The following ZNF354C variants were observed in gnomAD, a reference collection of about 807,000 sequenced individuals.
The protein encoded by ZNF354C is KRAB-zinc finger protein synten.
In ZNF354C, 7 loss-of-function variants were observed where a neutral mutation model predicts 12.4. The ratio of observed to expected loss-of-function variants is 0.56; its 90% CI spans 0.32 to 1.06. The LOEUF is 1.06. Ranked by LOEUF, ZNF354C falls within the 50% of genes least tolerant of loss-of-function variation. The pLI is 0.04. For synonymous variants in ZNF354C, 202 were observed against 224.5 expected (o/e 0.90, Z 0.90); for missense variants, 609 against 658.0 (o/e 0.93, Z 0.81).
intron 2 of ZNF354C, among the ~76,000 whole-genome samples, chr5:179,069,738 C>T (rs867447698): frequency 1.0e-4 from 15 of 147,428 alleles, no homozygotes; most frequent in South Asian, 2.2e-4. Context: ...CGGTGGCGGG[C>T]GCCTGTAGTC....
chr5:179,068,525 AT>A (rs1157626213), intron 2 of ZNF354C, among the ~76,000 whole-genome samples: 1 of 151,138 alleles, frequency 6.6e-6, no homozygotes, highest in Non-Finnish European at 1.5e-5. Flanking sequence ...CAATTTAGAC[AT>A]TTTTTTCTGA....
Position 179,060,877 on chromosome 5 carries a change from ACGCTGTTCC to A in ZNF354C, c.-55+216_-55+224del, listed in dbSNP as rs1224353895. On this transcript the variant is annotated intron_variant, in intron 1 of 4. Coordinates refer to ENST00000315475, the MANE Select transcript of ZNF354C (RefSeq NM_014594.3). The surrounding 1 kb of genome is among the most constrained non-coding windows in gnomAD (Gnocchi z 4.2). ...CCCTGCTAACAGATAGGGTGGCGGT[ACGCTGTTCC>A]CGCTCTGTCAGGAGGAGACCGAGGC... 6.6e-6 allele frequency among the ~76,000 whole-genome samples: 1 copy of A among 152,108 alleles called. No homozygotes were observed. Among genetic ancestry groups the A allele is most frequent in the Non-Finnish European group, 1.5e-5 (1 of 68,024 alleles).
rs1261356813 is a variant in ZNF354C at position 179,080,787 on chromosome 5, T to C, written c.*690T>C. ...TTTCTTCCATTATTTCTTAAATTGA[T>C]GTGGTTTTATATAACTGAACAGAGT... On this transcript the variant is annotated 3_prime_UTR_variant, in exon 5 of 5. Coordinates refer to ENST00000315475, the MANE Select transcript of ZNF354C (RefSeq NM_014594.3). 3 of 152,294 alleles carry C rather than the reference T, an allele frequency of 2.0e-5. No individual in the cohort carries two copies. The East Asian group carries it at 5.8e-4, about 29-fold the overall frequency. 9.4% of individuals were successfully genotyped at this position (152,294 alleles called of 1,614,324 possible). A position where few individuals can be genotyped will look rare whatever the true frequency, so the allele number is the denominator to read the frequency against.
chr5:179,068,840 G>C (rs1761997845), intron 2 of ZNF354C, among the ~76,000 whole-genome samples: 1 of 152,158 alleles, frequency 6.6e-6, no homozygotes, highest in African/African-American at 2.4e-5. Flanking sequence ...CAAGATCAAG[G>C]TGTGGGCAAG....
At position 179,073,862 on chromosome 5, in the gene ZNF354C, G is replaced by A. The variant is rs142300819; in HGVS notation, c.28-2583G>A. 3.4e-4 allele frequency among the ~76,000 whole-genome samples: 52 copies of A among 152,092 alleles called. 4 individuals carry two copies. The highest frequency in any genetic ancestry group is 1.2e-3 in the African/African-American group (50 of 41,476). ...AGTAGAGATGGGGTTTCACCATGTT[G>A]CCCAGGCTGGTCTTGAACTGCTGAG... On this transcript the variant is annotated intron_variant, in intron 2 of 4. Coordinates refer to ENST00000315475, the MANE Select transcript of ZNF354C (RefSeq NM_014594.3).
At chr5:179,064,953 G>T (rs113089935) in intron 2 of ZNF354C, among the ~76,000 whole-genome samples, 16 of 152,086 alleles carry the variant, frequency 1.1e-4, no homozygotes, top group African/African-American at 3.6e-4. Context: ...TTATTGTCTG[G>T]GGAAAAGGCA....
chr5:179,065,858 A>T (rs1448955039), intron 2 of ZNF354C, among the ~76,000 whole-genome samples: 3 of 152,180 alleles, frequency 2.0e-5, no homozygotes, highest in Non-Finnish European at 4.4e-5. Context: ...TTGCATACTA[A>T]TAACATGACA....
At chr5:179,062,166 G>T in intron 2 of ZNF354C, 71 bp downstream of exon 2, 3 of 1,596,802 alleles carry the variant, frequency 1.9e-6, no homozygotes, top group Non-Finnish European at 2.6e-6. Context: ...CATGTTTCCA[G>T]ACTTTGTCCA....
chr5:179,063,338 T>C (rs1378109367), intron 2 of ZNF354C, among the ~76,000 whole-genome samples: 1 of 152,276 alleles, frequency 6.6e-6, no homozygotes, highest in South Asian at 2.1e-4. Context: ...GACAGAAGGA[T>C]TGCTTGAGCC....
chr5:179,063,625 A>T (rs910791279), intron 2 of ZNF354C, among the ~76,000 whole-genome samples: 1 of 152,244 alleles, frequency 6.6e-6, no homozygotes, highest in Non-Finnish European at 1.5e-5. Flanking sequence ...ATGTATTACT[A>T]TGTATAAAAA....
chr5:179,079,543 C>G lies in ZNF354C; in HGVS notation c.1111C>G (p.Leu371Val). ...CGKGYSQFTS[L>V]AEHQRFHTGE... ...GAAGGGATACAGCCAGTTTACATCT[C>G]TAGCTGAACATCAGAGGTTTCATAC... is the stretch of plus-strand genomic sequence containing the variant. The change falls in exon 5 of 5, where the codon CTA (leucine) becomes GTA (valine). Residue 371 changes from leucine to valine, a missense_variant. Physicochemically the swap from Leu to Val is conservative, Grantham distance 32 (BLOSUM62 1). Transcript: ENST00000315475. The surrounding 1 kb of genome is among the most constrained non-coding windows in gnomAD (Gnocchi z 4.2). 2 of 1,614,178 alleles carry G rather than the reference C, an allele frequency of 1.2e-6. No homozygotes were observed. The highest frequency in any genetic ancestry group is 2.7e-5 in the African/African-American group (2 of 75,058).
rs1209577884 is a variant in ZNF354C, at chr5:179,080,624, A to C, written c.*527A>C. 1 of 152,358 alleles carries C rather than the reference A, an allele frequency of 6.6e-6. No homozygotes were observed. Among genetic ancestry groups the C allele is most frequent in the Non-Finnish European group, 1.5e-5 (1 of 68,124 alleles). 9.4% of individuals were successfully genotyped at this position (152,358 alleles called of 1,614,324 possible). A position where few individuals can be genotyped will look rare whatever the true frequency, so the allele number is the denominator to read the frequency against. On this transcript the variant is annotated 3_prime_UTR_variant, in exon 5 of 5. Coordinates refer to ENST00000315475, the MANE Select transcript of ZNF354C (RefSeq NM_014594.3). ...ATGAGCTGTCCCACCAGCAACTTAT[A>C]TATGTAAACATACATATATACACAT...
At chr5:179,072,946 T>C (rs1581118717) in intron 2 of ZNF354C, among the ~76,000 whole-genome samples, 1 of 152,210 alleles carries the variant, frequency 6.6e-6, no homozygotes, top group African/African-American at 2.4e-5. Context: ...CCACATTTCA[T>C]GTACTTAGTA....
At chr5:179,067,681 C>G (rs1761975945) in intron 2 of ZNF354C, among the ~76,000 whole-genome samples, 1 of 152,202 alleles carries the variant, frequency 6.6e-6, no homozygotes, top group Non-Finnish European at 1.5e-5. Context: ...AACTCCGTCT[C>G]TACTAAAAAT....
At chr5:179,064,475 G>GTA (rs1761935279) in intron 2 of ZNF354C, among the ~76,000 whole-genome samples, 1 of 151,810 alleles carries the variant, frequency 6.6e-6, no homozygotes, top group Non-Finnish European at 1.5e-5. Flanking sequence ...GGAGTGCAGT[G>GTA]GCGCCATCTC....
At chr5:179,070,857 T>G (rs942330569) in intron 2 of ZNF354C, among the ~76,000 whole-genome samples, 1 of 141,096 alleles carries the variant, frequency 7.1e-6, no homozygotes, top group Non-Finnish European at 1.5e-5. Flanking sequence ...TTTTTTTTTT[T>G]TTTTTTTTTG....
In ZNF354C at chr5:179,079,776, C is replaced by G. The variant is rs1268511371; in HGVS notation, c.1344C>G (p.Ala448=). ...ATACATGTGAGGAATGTGGGAAAGC[C>G]TTTGGTTGCAAATCTAACCTTTATA... ...KLYTCEECGK[A]FGCKSNLYRH... is the part of the protein sequence containing the mutation. The change falls in exon 5 of 5, where the codon GCC becomes GCG. Residue 448 remains alanine, a synonymous_variant. Transcript: ENST00000315475. The surrounding 1 kb of genome is among the most constrained non-coding windows in gnomAD (Gnocchi z 4.2). 1 of 1,614,016 alleles carries G rather than the reference C, an allele frequency of 6.2e-7. No homozygotes were observed. The highest frequency in any genetic ancestry group is 1.1e-5 in the South Asian group (1 of 91,074).
chr5:179,077,262 C>T (rs1230389605), intron 4 of ZNF354C, 96 bp downstream of exon 4: 3 of 937,518 alleles, frequency 3.2e-6, no homozygotes, highest in Non-Finnish European at 5.2e-6. Flanking sequence ...AATACTGAGT[C>T]CTCTTGAGAT....
At chr5:179,076,964 T>G in intron 3 of ZNF354C, 107 bp from the exon 4 acceptor site, 1 of 967,598 alleles carries the variant, frequency 1.0e-6, no homozygotes. Flanking sequence ...TGTCTGCCTC[T>G]CAGGGCTTGC....
Sources: allele counts gnomAD v4.1 joint callset (sites outside exome capture counted in the v4.1 genomes callset), GRCh38; gene constraint gnomAD v4.1.1; non-coding constraint Gnocchi (gnomAD v3.1); transcripts MANE v1.5; gene names NCBI Gene and HGNC (gene_info 2026-07-23, HGNC 2026-07-21).